OR2T2: variants seen among roughly 807,000 people sequenced by gnomAD.
OR2T2 encodes olfactory receptor family 2 subfamily T member 2.
For missense variants in OR2T2, 138 were observed against 409.1 expected (o/e 0.34, Z 5.72); for synonymous variants, 50 against 162.7 (o/e 0.31, Z 5.27).
rs1344796099 is a variant in OR2T2, at chr1:248,450,330, ACACT to A, written c.-22-2442_-22-2439del. Reference sequence around the variant, plus strand: ...ACACACACATGTACACACAACGCTCACACTCACAAGGAACCTCTTTTTTTTTTTT... The same window carrying A: ...ACACACACATGTACACACAACGCTCACACAAGGAACCTCTTTTTTTTTTTT... On this transcript the variant is annotated intron_variant, in intron 2 of 2. Coordinates refer to ENST00000642130, the Ensembl canonical transcript of OR2T2. Among the ~76,000 whole-genome samples, 1,066 of 138,586 alleles carry A rather than the reference ACACT, an allele frequency of 7.7e-3. 28 individuals are homozygous for A. Among genetic ancestry groups the A allele is most frequent in the African/African-American group, 0.031 (995 of 31,850 alleles). The allele number at this position is 138,586 out of a possible 152,430, so 90.9% of individuals were successfully genotyped here.
At chr1:248,448,779 ACT>A (rs1469049503) in intron 2 of OR2T2, among the ~76,000 whole-genome samples, 3 of 68,104 alleles carry the variant, frequency 4.4e-5, no homozygotes, top group African/African-American at 1.7e-4. Flanking sequence ...ATAATCGATG[ACT>A]CTTAGAGCTA....
At chr1:248,450,698 A>T (rs1313021758) in intron 2 of OR2T2, among the ~76,000 whole-genome samples, 2 of 152,050 alleles carry the variant, frequency 1.3e-5, no homozygotes, top group Non-Finnish European at 2.9e-5. Context: ...AGCTAACCTA[A>T]CACTATAGTA....
intron 2 of OR2T2, among the ~76,000 whole-genome samples, chr1:248,448,049 C>T (rs1207449976): frequency 1.3e-5 from 2 of 152,286 alleles, no homozygotes; most frequent in Admixed American, 6.5e-5. Context: ...ATCAAATCGA[C>T]TGTGGCGGAC....
intron 2 of OR2T2, among the ~76,000 whole-genome samples, chr1:248,449,867 A>T: frequency 8.4e-6 from 1 of 118,518 alleles, no homozygotes. Context: ...GATGAAGGGG[A>T]ACCTAAGTGT....
exon 3 of OR2T2, chr1:248,453,009 A>T: frequency 1.2e-6 from 2 of 1,613,174 alleles, no homozygotes; most frequent in Non-Finnish European, 8.5e-7. Context: ...TCCATCATGG[A>T]TACCATCTAC....
chr1:248,450,557 T>G (rs1457633058), intron 2 of OR2T2, among the ~76,000 whole-genome samples: 1 of 151,984 alleles, frequency 6.6e-6, no homozygotes, highest in African/African-American at 2.4e-5. Context: ...GTCTGATTAT[T>G]TACATGAAAC....
chr1:248,453,422 C>T, exon 3 of OR2T2: 2 of 1,589,196 alleles, frequency 1.3e-6, no homozygotes, highest in South Asian at 2.3e-5. Flanking sequence ...GCTGATGCTG[C>T]TTATCCCTCT....
chr1:248,449,971 C>T (rs1458477309), intron 2 of OR2T2, among the ~76,000 whole-genome samples: 7 of 119,718 alleles, frequency 5.8e-5, no homozygotes, highest in Non-Finnish European at 8.4e-5. Context: ...AACCACACAT[C>T]GTAATGCTAA....
intron 2 of OR2T2, among the ~76,000 whole-genome samples, chr1:248,448,300 C>CAT (rs2103018964): frequency 6.9e-6 from 1 of 145,100 alleles, no homozygotes; most frequent in African/African-American, 2.7e-5. Context: ...TTTGCTGTCA[C>CAT]ATCAAACTGA....
chr1:248,453,088 C>T, exon 3 of OR2T2: 2 of 1,613,096 alleles, frequency 1.2e-6, no homozygotes, highest in Non-Finnish European at 1.7e-6. Context: ...CCTTCCTGGG[C>T]TGTGCAGTTC....
intron 2 of OR2T2, among the ~76,000 whole-genome samples, chr1:248,447,454 T>A (rs1026443867): frequency 2.2e-5 from 3 of 136,478 alleles, no homozygotes; most frequent in Non-Finnish European, 4.6e-5. Context: ...TCTCCCTGCC[T>A]TCACTTTCCA....
At position 248,452,580 on chromosome 1, in the gene OR2T2, C is replaced by A. The variant is rs369392736; in HGVS notation, c.-22-196C>A. On this transcript the variant is annotated intron_variant, in intron 2 of 2. Transcript: ENST00000642130. ...AGTACAGAACTATGATGACCTTTCA[C>A]AGATGATGAAATTGAGTTGAGATTA... Among the ~76,000 whole-genome samples, 14 of 132,386 alleles carry A rather than the reference C, an allele frequency of 1.1e-4. 1 individual carries two copies. The highest frequency in any genetic ancestry group is 3.5e-3 in the Middle Eastern group (1 of 282). 86.9% of individuals were successfully genotyped at this position (132,386 alleles called of 152,430 possible).
intron 1 of OR2T2, among the ~76,000 whole-genome samples, chr1:248,445,920 A>G (rs1489437447): frequency 2.7e-5 from 4 of 147,482 alleles, no homozygotes. Flanking sequence ...TTAGAAGAAC[A>G]TGAATAGATT....
exon 3 of OR2T2, chr1:248,453,534 T>C: frequency 6.4e-7 from 1 of 1,566,516 alleles, no homozygotes; most frequent in Non-Finnish European, 8.7e-7. Context: ...TCCTCCCACA[T>C]TATGGTGGTG....
In OR2T2 at chr1:248,453,676, G is replaced by GA. The variant is rs2103022877; in HGVS notation, c.880dup (p.Arg294LysfsTer3). 6.2e-7 allele frequency: 1 copy of GA among 1,600,750 alleles called. No individual in the cohort carries two copies. Among genetic ancestry groups the GA allele is most frequent in the East Asian group, 2.2e-5 (1 of 44,526 alleles). ...TGCTCAACCCACTCATCTACAGCTT[G>GA]AGGAATAAAGATGTGGCTGCAGCTC... On this transcript the variant is annotated frameshift_variant, in exon 3 of 3. Transcript: ENST00000642130. LOFTEE classifies it low-confidence loss of function (END_TRUNC).
At chr1:248,446,292 A>AT (rs1406113659) in intron 1 of OR2T2, among the ~76,000 whole-genome samples, 1 of 144,748 alleles carries the variant, frequency 6.9e-6, no homozygotes. Context: ...CATGGCATAT[A>AT]AAAGCCTGTT....
At chr1:248,450,114 A>G (rs1486387946) in intron 2 of OR2T2, among the ~76,000 whole-genome samples, 4 of 149,672 alleles carry the variant, frequency 2.7e-5, no homozygotes, top group African/African-American at 5.1e-5. Flanking sequence ...ATGGAATAAC[A>G]TTAGGCATGC....
At chr1:248,455,239 C>CA (rs1430331879) in exon 3 of OR2T2, 2 of 121,634 alleles carry the variant, frequency 1.6e-5, no homozygotes, top group Non-Finnish European at 3.4e-5. Flanking sequence ...ACATAGTTGA[C>CA]AAAGACTAAG....
chr1:248,454,002 C>T (rs1364877282), exon 3 of OR2T2: 3 of 560,466 alleles, frequency 5.4e-6, no homozygotes, highest in African/African-American at 2.6e-5. Flanking sequence ...CATCCTGTTG[C>T]AAGGATTACT....
Sources: gnomAD v4.1 joint callset for allele counts (sites outside exome capture counted in the v4.1 genomes callset) on GRCh38, gnomAD v4.1.1 for gene constraint, MANE v1.5 for transcripts, NCBI Gene and HGNC (gene_info 2026-07-23, HGNC 2026-07-21) for gene names.